Variants in NME7 observed in about 807,000 individuals in gnomAD.
The protein encoded by NME7 is NME/NM23 family member 7.
Under a neutral mutation model 49.1 loss-of-function variants are expected in NME7, and 41 were observed. That is an observed-to-expected ratio of 0.83 (90% confidence interval 0.65 to 1.08). NME7 has a LOEUF of 1.08. NME7 is among the 50% of genes least tolerant of loss of function. NME7 has a pLI of 0.00. For missense variants in NME7, 423 were observed against 463.4 expected (o/e 0.91, Z 0.80); for synonymous variants, 139 against 150.6 (o/e 0.92, Z 0.56).
intron 6 of NME7, among the ~76,000 whole-genome samples, chr1:169,290,259 TACTTGTAATAGTAATTTAA>T (rs1414434853): frequency 6.6e-6 from 1 of 152,108 alleles, no homozygotes; most frequent in African/African-American, 2.4e-5. Context: ...CAAAACTTTG[TACTTGTAATAGTAATTTAA>T]AATGAATATC....
At chr1:169,196,975 T>C (rs1660397620) in intron 10 of NME7, among the ~76,000 whole-genome samples, 1 of 152,140 alleles carries the variant, frequency 6.6e-6, no homozygotes, top group South Asian at 2.1e-4. Flanking sequence ...AGTATAGAGG[T>C]AGCCTGATAG....
chr1:169,135,672 T>C (rs1394168755), intron 11 of NME7, among the ~76,000 whole-genome samples: 1 of 152,186 alleles, frequency 6.6e-6, no homozygotes, highest in Non-Finnish European at 1.5e-5. Context: ...AAGAAATAGA[T>C]AAGCCTGTTA....
At chr1:169,155,997 G>A (rs1321184369) in intron 11 of NME7, among the ~76,000 whole-genome samples, 1 of 151,942 alleles carries the variant, frequency 6.6e-6, no homozygotes, top group Non-Finnish European at 1.5e-5. Context: ...CTAGACACTG[G>A]GGGGTACAGC....
At chr1:169,183,474 A>AC (rs1659979645) in intron 10 of NME7, among the ~76,000 whole-genome samples, 1 of 152,224 alleles carries the variant, frequency 6.6e-6, no homozygotes, top group South Asian at 2.1e-4. Context: ...CTATAGTTGC[A>AC]AGTCAAGTAT....
chr1:169,286,431 C>T (rs1650277786), intron 7 of NME7: 1 of 151,866 alleles, frequency 6.6e-6, no homozygotes, highest in Non-Finnish European at 1.5e-5. Flanking sequence ...AACCATACCC[C>T]ATCTTACTTC....
At chr1:169,277,000 G>C (rs1232276808) in intron 7 of NME7, among the ~76,000 whole-genome samples, 15 of 150,508 alleles carry the variant, frequency 1.0e-4, no homozygotes, top group Admixed American at 6.6e-5. Context: ...GAGTGGTTTT[G>C]AGTGAGTTTC....
At chr1:169,178,653 G>C (rs966289677) in intron 10 of NME7, among the ~76,000 whole-genome samples, 1 of 152,100 alleles carries the variant, frequency 6.6e-6, no homozygotes, top group Non-Finnish European at 1.5e-5. Context: ...AACTCTCAGT[G>C]ATATTCTGAG....
At chr1:169,227,169 T>C (rs1356761905) in intron 10 of NME7, among the ~76,000 whole-genome samples, 3 of 152,240 alleles carry the variant, frequency 2.0e-5, no homozygotes, top group Non-Finnish European at 2.9e-5. Context: ...CTTCTTTCTA[T>C]GATCGTGAAC....
intron 7 of NME7, among the ~76,000 whole-genome samples, chr1:169,271,748 T>A (rs1649499572): frequency 7.5e-6 from 1 of 132,916 alleles, no homozygotes; most frequent in Non-Finnish European, 1.8e-5. Flanking sequence ...AACTCCTTTT[T>A]TAAAATAAAA....
intron 1 of NME7, among the ~76,000 whole-genome samples, chr1:169,360,895 GT>G (rs1226735684): frequency 2.2e-4 from 33 of 152,126 alleles, no homozygotes; most frequent in African/African-American, 7.5e-4. Context: ...CAATTAAAGA[GT>G]TTTATCATCA....
chr1:169,340,478 G>A (rs1315210534), intron 1 of NME7, among the ~76,000 whole-genome samples: 6 of 152,202 alleles, frequency 3.9e-5, no homozygotes. Context: ...CTAATTCAGA[G>A]AATTGGTACC....
chr1:169,257,908 T>A (rs1235300679), intron 7 of NME7, among the ~76,000 whole-genome samples: 1 of 133,956 alleles, frequency 7.5e-6, no homozygotes, highest in Non-Finnish European at 1.8e-5. Context: ...AATCTCTTAG[T>A]TTTTCAAGCA....
intron 10 of NME7, among the ~76,000 whole-genome samples, chr1:169,199,236 CTTATTAAGTA>C (rs1660475256): frequency 6.6e-6 from 1 of 151,780 alleles, no homozygotes; most frequent in Non-Finnish European, 1.5e-5. Context: ...TTAGCTAACA[CTTATTAAGTA>C]TTCACTATGT....
At chr1:169,252,210 C>T (rs374677397) in intron 7 of NME7, among the ~76,000 whole-genome samples, 17 of 151,520 alleles carry the variant, frequency 1.1e-4, no homozygotes, top group Admixed American at 6.6e-4. Context: ...CTCCACATCC[C>T]CTCCAGCACC....
At position 169,323,281 on chromosome 1, in the gene NME7, A is replaced by T. The variant is rs150210914; in HGVS notation, c.114T>A (p.His38Gln). Residue 38 changes from histidine to glutamine, a missense_variant and splice_region_variant, in exon 3 of 12, where the codon CAT (histidine) becomes CAA (glutamine). Transcript: ENST00000367811. ...AAAAGGTGCGATGATTCTTTACATC[A>T]TGCTAGAACCAGACACAACAATATA... ...FYPGDGSVEM[H>Q]DVKNHRTFLK... is the part of the protein sequence containing the mutation. 10 of 1,589,428 alleles carry T rather than the reference A, an allele frequency of 6.3e-6. No individual in the cohort carries two copies. The highest frequency in any genetic ancestry group is 5.9e-5 in the South Asian group (5 of 85,136).
chr1:169,189,158 T>TA (rs1393268834), intron 10 of NME7, among the ~76,000 whole-genome samples: 2 of 152,258 alleles, frequency 1.3e-5, no homozygotes, highest in East Asian at 3.9e-4. Context: ...ACATTTTTAC[T>TA]AAAAAAGGAA....
At chr1:169,350,121 G>A (rs1653098450) in intron 1 of NME7, among the ~76,000 whole-genome samples, 1 of 151,474 alleles carries the variant, frequency 6.6e-6, no homozygotes, top group African/African-American at 2.4e-5. Context: ...GAACCTGGAA[G>A]GTGGAGGTTG....
At chr1:169,311,245 C>T (rs1048159689) in intron 3 of NME7, among the ~76,000 whole-genome samples, 8 of 151,648 alleles carry the variant, frequency 5.3e-5, no homozygotes, top group African/African-American at 1.7e-4. Flanking sequence ...GGTGAAACCC[C>T]GTCTCTACTA....
chr1:169,224,905 G>A (rs1195425127), intron 10 of NME7, among the ~76,000 whole-genome samples: 5 of 152,128 alleles, frequency 3.3e-5, no homozygotes, highest in African/African-American at 1.2e-4. Flanking sequence ...GTATATATAG[G>A]GTAAAATAAG....
Sources: gnomAD v4.1 joint callset for allele counts (sites outside exome capture counted in the v4.1 genomes callset) on GRCh38, gnomAD v4.1.1 for gene constraint, MANE v1.5 for transcripts, NCBI Gene and HGNC (gene_info 2026-07-23, HGNC 2026-07-21) for gene names.